The following IL1RAPL2 variants were observed in gnomAD, a reference collection of about 807,000 sequenced individuals.
The protein encoded by IL1RAPL2 is interleukin 1 receptor accessory protein like 2, also known as X-linked interleukin-1 receptor accessory protein-like 2.
IL1RAPL2 carries 3 observed loss-of-function variants against 44.1 expected under a neutral mutation model. The observed-to-expected ratio is 0.07, with a 90% CI of 0.03 to 0.18. IL1RAPL2 has a LOEUF of 0.18. Among genes scored for constraint, IL1RAPL2 ranks in the 10% least tolerant of loss-of-function variants. The pLI is 1.00. For missense variants in IL1RAPL2, 391 were observed against 496.4 expected (o/e 0.79, Z 2.02); for synonymous variants, 181 against 178.8 (o/e 1.01, Z -0.10).
chrX:104,825,057 G>A (rs779052689), intron 2 of IL1RAPL2, among the ~76,000 whole-genome samples: 2 of 111,657 alleles, frequency 1.8e-5, no homozygotes, highest in East Asian at 2.8e-4. Context: ...AGTGAGTTCC[G>A]AAATTATTAA....
chrX:105,423,866 G>C (rs868838034), intron 5 of IL1RAPL2, among the ~76,000 whole-genome samples: 1 of 91,079 alleles, frequency 1.1e-5, no homozygotes, highest in Non-Finnish European at 2.0e-5. Context: ...TTGGAAACAA[G>C]TAAAAAAAAA....
At chrX:104,916,053 C>T (rs899659024) in intron 2 of IL1RAPL2, among the ~76,000 whole-genome samples, 2 of 111,670 alleles carry the variant, frequency 1.8e-5, no homozygotes, top group Non-Finnish European at 3.8e-5. Flanking sequence ...GCCATGTGGG[C>T]TCTTTTTTGT....
intron 2 of IL1RAPL2, among the ~76,000 whole-genome samples, chrX:104,835,656 T>G (rs1158800035): frequency 1.8e-5 from 2 of 111,932 alleles, no homozygotes; most frequent in African/African-American, 6.5e-5. Flanking sequence ...CCCACTTAGA[T>G]GTAATAGAAA....
At chrX:105,204,546 A>T (rs2033745112) in intron 3 of IL1RAPL2, among the ~76,000 whole-genome samples, 1 of 112,134 alleles carries the variant, frequency 8.9e-6, no homozygotes, top group Non-Finnish European at 1.9e-5. Flanking sequence ...TGGCGAACCC[A>T]AGAGAAAATT....
chrX:105,112,513 A>T (rs1490699610), intron 2 of IL1RAPL2, among the ~76,000 whole-genome samples: 1 of 112,647 alleles, frequency 8.9e-6, no homozygotes, highest in Non-Finnish European at 1.9e-5. Flanking sequence ...TATGCTATGC[A>T]CGAATGACAG....
intron 2 of IL1RAPL2, among the ~76,000 whole-genome samples, chrX:104,896,227 C>T (rs747970128): frequency 1.1e-4 from 12 of 112,235 alleles, no homozygotes; most frequent in South Asian, 7.5e-4. Flanking sequence ...GTATTTTTAA[C>T]CTCCTTGTCA....
intron 1 of IL1RAPL2, among the ~76,000 whole-genome samples, chrX:104,626,929 C>T (rs1490923377): frequency 9.2e-6 from 1 of 108,919 alleles, no homozygotes; most frequent in East Asian, 2.9e-4. Context: ...AGCAGTTCTC[C>T]TGCCTCAGCC....
chrX:105,431,152 A>T (rs1411778017), intron 5 of IL1RAPL2, among the ~76,000 whole-genome samples: 1 of 112,360 alleles, frequency 8.9e-6, no homozygotes, highest in Non-Finnish European at 1.9e-5. Flanking sequence ...CTTTATCTAA[A>T]TATTTACTGA....
At chrX:104,919,894 C>T (rs1924583701) in intron 2 of IL1RAPL2, among the ~76,000 whole-genome samples, 1 of 110,346 alleles carries the variant, frequency 9.1e-6, no homozygotes, top group Admixed American at 9.7e-5. Flanking sequence ...TGTTTGGGCT[C>T]AGACTGACTT....
intron 2 of IL1RAPL2, among the ~76,000 whole-genome samples, chrX:104,911,456 G>A (rs1036343976): frequency 9.0e-6 from 1 of 110,837 alleles, no homozygotes; most frequent in African/African-American, 3.3e-5. Flanking sequence ...CTGTTTTCCT[G>A]CTTATACTCA....
chrX:105,501,196 AT>A (rs747026711), intron 6 of IL1RAPL2, among the ~76,000 whole-genome samples: 2 of 112,010 alleles, frequency 1.8e-5, no homozygotes, highest in South Asian at 7.3e-4. Flanking sequence ...AAGTGAATAA[AT>A]TTCTATGATA....
intron 6 of IL1RAPL2, among the ~76,000 whole-genome samples, chrX:105,565,178 T>C (rs941821516): frequency 2.7e-5 from 3 of 111,861 alleles, no homozygotes; most frequent in Admixed American, 1.9e-4. Context: ...TTGGGAAAAT[T>C]GGTGTTTTAA....
chrX:104,788,048 A>AG (rs1444415175), intron 2 of IL1RAPL2, among the ~76,000 whole-genome samples: 1 of 111,732 alleles, frequency 8.9e-6, no homozygotes, highest in Non-Finnish European at 1.9e-5. Flanking sequence ...TGTGACAAGG[A>AG]GGGAGAGAGT....
chrX:104,821,962 T>C (rs1246298993), intron 2 of IL1RAPL2, among the ~76,000 whole-genome samples: 2 of 112,477 alleles, frequency 1.8e-5, no homozygotes, highest in Non-Finnish European at 3.8e-5. Flanking sequence ...TGGTATCTCA[T>C]TGTGGCTTTG....
intron 2 of IL1RAPL2, among the ~76,000 whole-genome samples, chrX:105,118,229 T>G (rs2032882264): frequency 8.9e-6 from 1 of 112,630 alleles, no homozygotes; most frequent in Admixed American, 9.3e-5. Flanking sequence ...AAATGTGGTC[T>G]TTGATGATCC....
chrX:104,988,497 T>G (rs139649803), intron 2 of IL1RAPL2, among the ~76,000 whole-genome samples: 2,105 of 112,106 alleles, frequency 0.019, 47 homozygotes, highest in African/African-American at 0.063. Context: ...AGAATTCATT[T>G]TATTATTAGC....
chrX:104,947,765 C>T (rs1454843873), intron 2 of IL1RAPL2, among the ~76,000 whole-genome samples: 6 of 111,728 alleles, frequency 5.4e-5, no homozygotes, highest in African/African-American at 2.0e-4. Flanking sequence ...TGTTCTGTTC[C>T]ATTGGTCTAT....
chrX:105,704,988 T>C (rs1259465913), intron 6 of IL1RAPL2, among the ~76,000 whole-genome samples: 2 of 111,734 alleles, frequency 1.8e-5, no homozygotes, highest in Non-Finnish European at 3.8e-5. Flanking sequence ...GTGTTCCTTC[T>C]TGCTGTATCT....
At chrX:104,891,745 A>G (rs1923448535) in intron 2 of IL1RAPL2, among the ~76,000 whole-genome samples, 1 of 111,670 alleles carries the variant, frequency 9.0e-6, no homozygotes, top group African/African-American at 3.2e-5. Context: ...TGCAAACAAG[A>G]ACAACTTGAC....
Sources: gnomAD v4.1 joint callset for allele counts (sites outside exome capture counted in the v4.1 genomes callset) on GRCh38, gnomAD v4.1.1 for gene constraint, MANE v1.5 for transcripts, NCBI Gene and HGNC (gene_info 2026-07-23, HGNC 2026-07-21) for gene names.